The following ZFHX3 variants were observed in gnomAD, a reference collection of about 807,000 sequenced individuals.
ZFHX3 encodes the protein zinc finger homeobox 3, also known as zinc finger homeobox protein 3.
ZFHX3 carries 42 observed loss-of-function variants against 279.1 expected under a neutral mutation model. The ratio of observed to expected loss-of-function variants is 0.15; its 90% CI spans 0.12 to 0.19. ZFHX3 has a LOEUF of 0.19. ZFHX3 is among the 10% of genes least tolerant of loss of function. The pLI, the probability that ZFHX3 is intolerant of heterozygous loss-of-function variation, is 1.00. For synonymous variants in ZFHX3, 2,293 were observed against 1,957.8 expected (o/e 1.17, Z -4.52); for missense variants, 4,981 against 4,754.0 (o/e 1.05, Z -1.40).
At chr16:72,853,809 A>G (rs2037678271) in intron 4 of ZFHX3, among the ~76,000 whole-genome samples, 4 of 152,158 alleles carry the variant, frequency 2.6e-5, no homozygotes, top group Admixed American at 2.6e-4. Flanking sequence ...AAGGGAGAGA[A>G]TGAAGAAATC....
chr16:73,883,746 C>T (rs1244049507), intron 1 of ZFHX3, among the ~76,000 whole-genome samples: 1 of 151,774 alleles, frequency 6.6e-6, no homozygotes, highest in Non-Finnish European at 1.5e-5. Context: ...ATAATTTGCA[C>T]ATAGCTATAA....
intron 4 of ZFHX3, among the ~76,000 whole-genome samples, chr16:72,849,371 T>G (rs948280805): frequency 1.3e-5 from 2 of 152,182 alleles, no homozygotes; most frequent in South Asian, 4.1e-4. Context: ...TACTCCAGCC[T>G]GGGGCCCAGC....
At chr16:73,376,378 G>C (rs1379926588) in intron 3 of ZFHX3, among the ~76,000 whole-genome samples, 3 of 152,058 alleles carry the variant, frequency 2.0e-5, no homozygotes, top group Non-Finnish European at 4.4e-5. Context: ...TTAGGTTCTG[G>C]ACCATTTTCT....
chr16:73,572,801 C>G (rs1030083006), intron 2 of ZFHX3, among the ~76,000 whole-genome samples: 1 of 152,170 alleles, frequency 6.6e-6, no homozygotes, highest in African/African-American at 2.4e-5. Context: ...TTACAGGGAA[C>G]CCTTCCTCCC....
At chr16:72,947,780 T>A (rs2144377917) in intron 3 of ZFHX3, among the ~76,000 whole-genome samples, 1 of 152,236 alleles carries the variant, frequency 6.6e-6, no homozygotes, top group South Asian at 2.1e-4. Flanking sequence ...GTCAGCTGCA[T>A]CTGGAGCGGT....
At chr16:72,925,684 C>T (rs906397528) in intron 3 of ZFHX3, among the ~76,000 whole-genome samples, 1 of 152,194 alleles carries the variant, frequency 6.6e-6, no homozygotes, top group Non-Finnish European at 1.5e-5. Context: ...CAAATGGACC[C>T]GCACAATCAT....
chr16:73,128,862 G>A (rs73593178), intron 7 of ZFHX3, among the ~76,000 whole-genome samples: 3,629 of 152,164 alleles, frequency 0.024, 151 homozygotes, highest in African/African-American at 0.082. Flanking sequence ...ATACCTTTTG[G>A]AAGAGTTTCT....
chr16:73,529,279 T>A (rs1330854944), intron 2 of ZFHX3, among the ~76,000 whole-genome samples: 4 of 152,198 alleles, frequency 2.6e-5, no homozygotes, highest in African/African-American at 9.7e-5. Context: ...AAGGATTTGC[T>A]ATTAATTTCA....
chr16:73,457,147 C>T lies in ZFHX3; in HGVS notation c.-1546-889G>A, dbSNP rs540216868. 9.8e-5 allele frequency among the ~76,000 whole-genome samples: 15 copies of T among 152,316 alleles called. No individual in the cohort carries two copies. The South Asian group carries it at 3.1e-3, about 32-fold the overall frequency. On this transcript the variant is annotated intron_variant, in intron 2 of 17. Transcript: ENST00000641206. ...CCCTTTCCTGCACCACCTCCCCCAA[C>T]CAGCATAACCCTCTTCCTATTTTGG...
intron 3 of ZFHX3, among the ~76,000 whole-genome samples, chr16:73,386,437 C>T (rs751002558): frequency 3.9e-5 from 6 of 152,010 alleles, no homozygotes; most frequent in Non-Finnish European, 5.9e-5. Flanking sequence ...ATATGCTTTG[C>T]TGAGTTATCA....
intron 3 of ZFHX3, among the ~76,000 whole-genome samples, chr16:73,448,051 C>T (rs934786335): frequency 6.6e-6 from 1 of 152,146 alleles, no homozygotes; most frequent in African/African-American, 2.4e-5. Context: ...TTTGCCAAAT[C>T]AGCACATTTG....
chr16:73,488,451 A>G (rs902975058), intron 2 of ZFHX3, among the ~76,000 whole-genome samples: 5 of 152,202 alleles, frequency 3.3e-5, no homozygotes, highest in African/African-American at 1.2e-4. Flanking sequence ...ATGGCAGGCC[A>G]TGGCACTGTC....
chr16:73,455,456 G>T (rs2018355648), intron 3 of ZFHX3, among the ~76,000 whole-genome samples: 1 of 152,172 alleles, frequency 6.6e-6, no homozygotes, highest in Non-Finnish European at 1.5e-5. Flanking sequence ...AGGTCCCTTT[G>T]TTGCCTGTCT....
chr16:73,430,171 C>T (rs1248802749), intron 3 of ZFHX3, among the ~76,000 whole-genome samples: 1 of 152,176 alleles, frequency 6.6e-6, no homozygotes, highest in South Asian at 2.1e-4. Context: ...ATTACAGGCA[C>T]GGGTCACCCT....
chr16:73,784,102 T>C (rs377041813), intron 1 of ZFHX3, among the ~76,000 whole-genome samples: 10 of 152,068 alleles, frequency 6.6e-5, no homozygotes, highest in South Asian at 2.1e-4. Flanking sequence ...TGCCTGGCTG[T>C]TTTGGAGAGA....
At position 73,484,938 on chromosome 16, in the gene ZFHX3, C is replaced by T. The variant is rs115804629; in HGVS notation, c.-1546-28680G>A. ...AACTGAAAGGATACTACCACATACTCGCCTTTAGAACCAGACAGAATTTCC... is the reference window on the plus strand; with the variant it reads ...AACTGAAAGGATACTACCACATACTTGCCTTTAGAACCAGACAGAATTTCC... On this transcript the variant is annotated intron_variant, in intron 2 of 17. Coordinates refer to the ZFHX3 transcript ENST00000641206. Among the ~76,000 whole-genome samples, 383 of 151,906 alleles carry T rather than the reference C, an allele frequency of 2.5e-3. 4 individuals are homozygous for T. Among genetic ancestry groups the T allele is most frequent in the African/African-American group, 8.7e-3 (361 of 41,410 alleles).
At chr16:73,566,142 G>A (rs2143797942) in intron 2 of ZFHX3, among the ~76,000 whole-genome samples, 1 of 152,274 alleles carries the variant, frequency 6.6e-6, no homozygotes, top group South Asian at 2.1e-4. Context: ...AGGGCTGAAG[G>A]TCTGTCTCCA....
intron 3 of ZFHX3, among the ~76,000 whole-genome samples, chr16:73,340,153 G>A (rs186707104): frequency 1.2e-4 from 18 of 152,252 alleles, no homozygotes; most frequent in East Asian, 1.2e-3. Context: ...AAGAACTTCC[G>A]GAGAACTAGG....
chr16:73,358,216 T>A (rs2016377086), intron 3 of ZFHX3, among the ~76,000 whole-genome samples: 1 of 152,246 alleles, frequency 6.6e-6, no homozygotes, highest in Admixed American at 6.5e-5. Context: ...ATCTGCACTC[T>A]CTTGCAGTCC....
Sources: gnomAD v4.1 joint callset for allele counts (sites outside exome capture counted in the v4.1 genomes callset) on GRCh38, gnomAD v4.1.1 for gene constraint, MANE v1.5 for transcripts, NCBI Gene and HGNC (gene_info 2026-07-23, HGNC 2026-07-21) for gene names.